IFI27L1: variants seen among roughly 807,000 people sequenced by gnomAD.
The protein encoded by IFI27L1 is interferon alpha-inducible protein 27-like protein 1.
In IFI27L1, 3 loss-of-function variants were observed where a neutral mutation model predicts 9.2. That is an observed-to-expected ratio of 0.32 (90% confidence interval 0.15 to 0.84). The LOEUF (loss-of-function observed/expected upper bound fraction) is 0.84. Ranked by LOEUF, IFI27L1 falls within the 40% of genes least tolerant of loss-of-function variation. The pLI is 0.56. For synonymous variants in IFI27L1, 53 were observed against 50.0 expected (o/e 1.06, Z -0.26); for missense variants, 133 against 134.2 (o/e 0.99, Z 0.05).
chr14:94,096,990 G>A, intron 2 of IFI27L1, 25 bp downstream of exon 2: 1 of 1,599,636 alleles, frequency 6.3e-7, no homozygotes, highest in Non-Finnish European at 8.5e-7. Flanking sequence ...TGATTCTGGG[G>A]GCTGCTGGTC....
chr14:94,100,460 G>T, intron 2 of IFI27L1: 1 of 985,358 alleles, frequency 1.0e-6, no homozygotes. Context: ...GCCCAGGCAT[G>T]CTCTGCCCAG....
chr14:94,100,507 A>G, intron 2 of IFI27L1: 1 of 985,330 alleles, frequency 1.0e-6, no homozygotes, highest in Non-Finnish European at 1.2e-6. Flanking sequence ...TGGGCAGAGG[A>G]GACAGGTGAC....
chr14:94,096,997 G>T, intron 2 of IFI27L1, 32 bp downstream of exon 2: 1 of 1,588,038 alleles, frequency 6.3e-7, no homozygotes, highest in Non-Finnish European at 8.6e-7. Flanking sequence ...GGGGGCTGCT[G>T]GTCCTTCCGA....
intron 4 of IFI27L1, 87 bp downstream of exon 4, chr14:94,102,062 C>T: frequency 7.2e-7 from 1 of 1,383,320 alleles, no homozygotes; most frequent in Non-Finnish European, 1.0e-6. Context: ...CCCTGCAGGT[C>T]CGTGATCCTC....
intron 1 of IFI27L1, among the ~76,000 whole-genome samples, chr14:94,090,915 T>C (rs1886453468): frequency 6.6e-6 from 1 of 152,226 alleles, no homozygotes; most frequent in Non-Finnish European, 1.5e-5. Context: ...GAAGCAAATA[T>C]ACTCCAAATT....
chr14:94,092,607 C>G (rs1886521056), intron 1 of IFI27L1, among the ~76,000 whole-genome samples: 1 of 152,200 alleles, frequency 6.6e-6, no homozygotes, highest in South Asian at 2.1e-4. Context: ...TTTTATAACC[C>G]TTTACAAATT....
chr14:94,083,642 A>C (rs1172968778), intron 1 of IFI27L1, among the ~76,000 whole-genome samples: 1 of 152,262 alleles, frequency 6.6e-6, no homozygotes, highest in Non-Finnish European at 1.5e-5. Flanking sequence ...AGAGGGGGAC[A>C]CAGTCAAAAT....
Position 94,101,871 on chromosome 14 carries a change from G to A in IFI27L1, c.119G>A (p.Gly40Glu). The A allele has an allele frequency of 6.2e-7, 1 of 1,614,244 alleles. No homozygotes were observed. The highest frequency in any genetic ancestry group is 1.1e-5 in the South Asian group (1 of 91,084). The change falls in exon 4 of 5, where the codon GGA becomes GAA. Residue 40 changes from glycine (G) to glutamate (E), a missense_variant. Gly to Glu is a moderately conservative substitution (Grantham distance 98, BLOSUM62 -2). Coordinates refer to ENST00000555523, the MANE Select transcript of IFI27L1 (RefSeq NM_206949.3). ...ALSAMGFTSVGIAASSIAAKM... is the reference protein window; with the variant it reads ...ALSAMGFTSVEIAASSIAAKM... ...AGTGCCATGGGCTTCACCTCAGTAG[G>A]AATCGCCGCATCCTCCATAGCAGCC...
In IFI27L1 at chr14:94,102,496, G is replaced by A. The variant is rs1886939262; in HGVS notation, c.243G>A (p.Val81=). The A allele has an allele frequency of 1.3e-6, 2 of 1,593,856 alleles. No homozygotes were observed. Among genetic ancestry groups the A allele is most frequent in the East Asian group, 4.6e-5 (2 of 43,628 alleles). The part of the protein sequence containing the change: ...LQSVGAAGLS[V]TSKVIGGFAG... ...CCCCAGGGGCAGCTGGACTCTCTGT[G>A]ACATCTAAAGTTATCGGGGGCTTTG... Residue 81 remains valine, a synonymous_variant, in exon 5 of 5, where the codon GTG becomes GTA. Coordinates refer to ENST00000555523, the MANE Select transcript of IFI27L1 (RefSeq NM_206949.3).
chr14:94,097,545 G>T, intron 2 of IFI27L1: 2 of 689,786 alleles, frequency 2.9e-6, no homozygotes, highest in South Asian at 3.1e-5. Context: ...GTTCAGCAGT[G>T]ACTTGGGCCA....
chr14:94,088,291 C>G (rs969615131), intron 1 of IFI27L1: 1 of 702,148 alleles, frequency 1.4e-6, no homozygotes, highest in Non-Finnish European at 2.6e-6. Flanking sequence ...CGTTACTATG[C>G]GAGATGCAGA....
chr14:94,085,529 T>C (rs1020675285), intron 1 of IFI27L1, among the ~76,000 whole-genome samples: 1 of 152,150 alleles, frequency 6.6e-6, no homozygotes, highest in Non-Finnish European at 1.5e-5. Flanking sequence ...AGGTGATAAG[T>C]TGGGGGAAAA....
intron 2 of IFI27L1, among the ~76,000 whole-genome samples, chr14:94,098,415 T>C (rs74077353): frequency 0.022 from 3,383 of 152,244 alleles, 130 homozygotes; most frequent in African/African-American, 0.077. Context: ...CTTTTTCCCT[T>C]ACAAGGACCT....
At chr14:94,093,172 T>C (rs962529998) in intron 1 of IFI27L1, among the ~76,000 whole-genome samples, 25 of 148,564 alleles carry the variant, frequency 1.7e-4, no homozygotes, top group Admixed American at 1.1e-3. Context: ...CTTTTCTTTT[T>C]TTTTTTTTTT....
intron 1 of IFI27L1, among the ~76,000 whole-genome samples, chr14:94,096,640 A>G (rs557892661): frequency 2.0e-5 from 3 of 151,532 alleles, no homozygotes; most frequent in East Asian, 3.9e-4. Flanking sequence ...GTTGCAGTGA[A>G]CAGAGATTGT....
At chr14:94,093,167 C>CT (rs66928480) in intron 1 of IFI27L1, among the ~76,000 whole-genome samples, 32,805 of 125,422 alleles carry the variant, frequency 0.26, 4,917 homozygotes, top group East Asian at 0.49. Context: ...CATTTCTTTT[C>CT]TTTTTTTTTT....
intron 3 of IFI27L1, 38 bp downstream of exon 3, chr14:94,100,809 C>T (rs1886867543): frequency 6.2e-7 from 1 of 1,608,458 alleles, no homozygotes; most frequent in Non-Finnish European, 8.5e-7. Context: ...CCCCCATCCC[C>T]CGCCTCCCCC....
At chr14:94,102,445 G>T in intron 4 of IFI27L1, 32 bp from the exon 5 acceptor site, 1 of 1,420,000 alleles carries the variant, frequency 7.0e-7, no homozygotes, top group Middle Eastern at 1.9e-4. Flanking sequence ...ACCCCTCCCT[G>T]TGCCCTGTGC....
chr14:94,092,218 C>A (rs1234035257), intron 1 of IFI27L1, among the ~76,000 whole-genome samples: 1 of 151,630 alleles, frequency 6.6e-6, no homozygotes, highest in Non-Finnish European at 1.5e-5. Context: ...CAAATTCAAT[C>A]CTTAATAAAA....
Sources: allele counts gnomAD v4.1 joint callset (sites outside exome capture counted in the v4.1 genomes callset), GRCh38; gene constraint gnomAD v4.1.1; transcripts MANE v1.5; gene names NCBI Gene and HGNC (gene_info 2026-07-23, HGNC 2026-07-21).